The following TJP2 variants were observed in gnomAD, a reference collection of about 807,000 sequenced individuals.
TJP2 encodes tight junction protein 2.
TJP2 carries 91 observed loss-of-function variants against 133.1 expected under a neutral mutation model. That is an observed-to-expected ratio of 0.68 (90% confidence interval 0.58 to 0.81). The LOEUF is 0.81. Among genes scored for constraint, TJP2 ranks in the 40% least tolerant of loss-of-function variants. The probability of loss-of-function intolerance (pLI) is 0.00; values close to 1 mark genes in which losing one functional copy is unlikely to be tolerated. For missense variants in TJP2, 1,541 were observed against 1,565.6 expected (o/e 0.98, Z 0.26); for synonymous variants, 592 against 583.4 (o/e 1.01, Z -0.21).
Position 69,228,062 on chromosome 9 carries a change from C to T in TJP2, c.1401C>T (p.Gly467=). 1 of 1,613,836 alleles carries T rather than the reference C, an allele frequency of 6.2e-7. No homozygotes were observed. The highest frequency in any genetic ancestry group is 1.1e-5 in the South Asian group (1 of 90,976). The change falls in exon 9 of 23, where the codon GGC becomes GGT. Residue 467 remains glycine (G), a synonymous_variant. Transcript: ENST00000377245. ...TTAAGTCCACAGGGGATATTGCAGG[C>T]ACAGTTGTCCCAGAGACCAACAAGG... ...TPFKSTGDIA[G]TVVPETNKEP...
At chr9:69,239,105 C>T (rs1830407138) in intron 16 of TJP2, among the ~76,000 whole-genome samples, 1 of 152,198 alleles carries the variant, frequency 6.6e-6, no homozygotes, top group African/African-American at 2.4e-5. Flanking sequence ...AGGAGAATCG[C>T]TTGAACTCAG....
intron 1 of TJP2, among the ~76,000 whole-genome samples, chr9:69,139,779 T>C (rs1822931259): frequency 1.3e-5 from 2 of 152,200 alleles, no homozygotes; most frequent in South Asian, 4.1e-4. Context: ...CATAGCCAGG[T>C]CCTTGTCTCG....
At chr9:69,191,123 C>A (rs907455637) in intron 1 of TJP2, among the ~76,000 whole-genome samples, 1 of 124,696 alleles carries the variant, frequency 8.0e-6, no homozygotes, top group African/African-American at 2.7e-5. Flanking sequence ...AGGGTTGGAT[C>A]TGAGCACTGA....
Position 69,174,365 on chromosome 9 carries a change from T to C in TJP2, c.-8T>C, listed in dbSNP as rs374829462. 2 of 1,551,568 alleles carry C rather than the reference T, an allele frequency of 1.3e-6. No homozygotes were observed. The highest frequency in any genetic ancestry group is 1.4e-5 in the African/African-American group (1 of 73,098). The stretch of plus-strand genomic sequence containing the variant: ...GAGCTGCGCGCCTACGCGGGACCTG[T>C]GTCCGAAATGCCGGTGCGAGGAGAC... On this transcript the variant is annotated 5_prime_UTR_variant, in exon 1 of 23. Coordinates refer to ENST00000377245, the MANE Select transcript of TJP2 (RefSeq NM_004817.4).
chr9:69,200,075 A>C (rs1826875172), intron 1 of TJP2, among the ~76,000 whole-genome samples: 1 of 152,188 alleles, frequency 6.6e-6, no homozygotes, highest in South Asian at 2.1e-4. Context: ...CCCAAGCCAT[A>C]GATTAAGCTG....
Position 69,179,745 on chromosome 9 carries a change from C to T in TJP2, c.60+5313C>T, listed in dbSNP as rs189060887. On this transcript the variant is annotated intron_variant, in intron 1 of 22. Coordinates refer to ENST00000377245, the MANE Select transcript of TJP2 (RefSeq NM_004817.4). ...TGATCTCCTGACCTCGTGATCCACC[C>T]GCCTCGGCCTCCCAAAGTGCTGGGA... Among the ~76,000 whole-genome samples the T allele has an allele frequency of 8.8e-4, 134 of 152,216 alleles. 2 individuals carry two copies. In the East Asian group the frequency reaches 0.017, roughly 20 times the overall value.
chr9:69,127,435 G>A lies in TJP2; in HGVS notation c.-131+5710G>A, dbSNP rs1179226790. On this transcript the variant is annotated intron_variant, in intron 1 of 5. Transcript: ENST00000423935. ...CTGGGCATGGTAGTTTATGCCTATA[G>A]TCCCAGCTACTCAGGAGGCTGAGTT... 6.6e-5 allele frequency among the ~76,000 whole-genome samples: 5 copies of A among 75,710 alleles called. 2 individuals are homozygous for A. Among genetic ancestry groups the A allele is most frequent in the African/African-American group, 2.0e-4 (5 of 24,666 alleles). The allele number at this position is 75,710 out of a possible 152,430, so 49.7% of individuals were successfully genotyped here. A position where few individuals can be genotyped will look rare whatever the true frequency, so the allele number is the denominator to read the frequency against.
Position 69,142,161 on chromosome 9 carries a change from G to A in TJP2, c.-130-9490G>A, listed in dbSNP as rs150859922. On this transcript the variant is annotated intron_variant, in intron 1 of 5. Transcript: ENST00000423935. ...AAAGGCAAGGGGCACTGTAGCTGGC[G>A]CTGGGCACATGGGTTATTTCCAATA... Among the ~76,000 whole-genome samples the A allele has an allele frequency of 3.0e-3, 454 of 152,332 alleles. 2 individuals carry two copies. The highest frequency in any genetic ancestry group is 0.01 in the African/African-American group (430 of 41,558).
intron 1 of TJP2, among the ~76,000 whole-genome samples, chr9:69,134,260 CA>C (rs1208147689): frequency 6.6e-6 from 1 of 152,180 alleles, no homozygotes; most frequent in Non-Finnish European, 1.5e-5. Flanking sequence ...ACAACGTCAG[CA>C]AAATAGGTCT....
At position 69,236,171 on chromosome 9, in the gene TJP2, C is replaced by T. The variant is rs893707627; in HGVS notation, c.1924C>T (p.Leu642=). ...GGTAGACACACTGTATGACGGCAAG[C>T]TGGGCAACTGGCTGGCTGTGAGGAT... ...RVVDTLYDGK[L]GNWLAVRIGN... is the part of the protein sequence containing the mutation. Residue 642 remains leucine, a synonymous_variant, in exon 13 of 23, where the codon CTG becomes TTG. Coordinates refer to ENST00000377245, the MANE Select transcript of TJP2 (RefSeq NM_004817.4). 3 of 1,614,052 alleles carry T rather than the reference C, an allele frequency of 1.9e-6. No individual in the cohort carries two copies. Among genetic ancestry groups the T allele is most frequent in the Non-Finnish European group, 2.5e-6 (3 of 1,180,042 alleles).
rs1828803032 is a variant in TJP2 at position 69,221,153 on chromosome 9, G to GGGCCTGGACCAA, written c.611_622dup (p.Gly204_Gln207dup). ...GGAGCCGTGGCCGGAGCCTGGAGCG[G>GGGCCTGGACCAA]GGCCTGGACCAAGACCATGCGCGCA... On this transcript the variant is annotated inframe_insertion, in exon 5 of 23. Transcript: ENST00000377245. 6.3e-7 allele frequency: 1 copy of GGGCCTGGACCAA among 1,595,474 alleles called. No homozygotes were observed. The highest frequency in any genetic ancestry group is 1.1e-5 in the South Asian group (1 of 88,860).
intron 2 of TJP2, among the ~76,000 whole-genome samples, chr9:69,214,023 G>A (rs148875333): frequency 2.7e-4 from 41 of 152,126 alleles, no homozygotes; most frequent in African/African-American, 8.4e-4. Flanking sequence ...TTATATAATC[G>A]AACCCAGATT....
In TJP2 at chr9:69,228,064, C is replaced by T; in HGVS notation, c.1403C>T (p.Thr468Ile). 6.2e-7 allele frequency: 1 copy of T among 1,613,772 alleles called. No individual in the cohort carries two copies. Among genetic ancestry groups the T allele is most frequent in the Middle Eastern group, 1.6e-4 (1 of 6,062 alleles). Residue 468 changes from threonine to isoleucine, a missense_variant, in exon 9 of 23, where the codon ACA becomes ATA. Thr to Ile is a moderately conservative substitution (Grantham distance 89, BLOSUM62 -1). Transcript: ENST00000377245. ...PFKSTGDIAG[T>I]VVPETNKEPR... ...AAGTCCACAGGGGATATTGCAGGCA[C>T]AGTTGTCCCAGAGACCAACAAGGAA...
At chr9:69,207,590 C>T (rs1486377115) in intron 1 of TJP2, among the ~76,000 whole-genome samples, 1 of 152,110 alleles carries the variant, frequency 6.6e-6, no homozygotes, top group Non-Finnish European at 1.5e-5. Context: ...ATCACTGGGT[C>T]GTGGAATGTG....
At chr9:69,196,944 TGTACAC>T (rs1200381885) in intron 1 of TJP2, among the ~76,000 whole-genome samples, 673 of 38,186 alleles carry the variant, frequency 0.018, 5 homozygotes, top group African/African-American at 0.044. Flanking sequence ...TGTGTGTGTG[TGTACAC>T]ACACACACAC....
At chr9:69,223,455 C>T (rs182273009) in intron 5 of TJP2, among the ~76,000 whole-genome samples, 318 of 152,248 alleles carry the variant, frequency 2.1e-3, no homozygotes, top group African/African-American at 7.1e-3. Context: ...CTGTAGGCGC[C>T]CGCCACCACA....
intron 1 of TJP2, among the ~76,000 whole-genome samples, chr9:69,175,290 T>G (rs1441272614): frequency 6.6e-6 from 1 of 152,186 alleles, no homozygotes; most frequent in Non-Finnish European, 1.5e-5. Context: ...CATCCCATGA[T>G]AGAAACTGCC....
chr9:69,182,748 T>TAC (rs1451602356), intron 1 of TJP2, among the ~76,000 whole-genome samples: 2 of 151,602 alleles, frequency 1.3e-5, no homozygotes, highest in Non-Finnish European at 2.9e-5. Flanking sequence ...TATATACATA[T>TAC]ACACACACAC....
At chr9:69,240,188 GAAAT>G (rs1466853705) in intron 17 of TJP2, 41 bp downstream of exon 17, 40 of 1,546,360 alleles carry the variant, frequency 2.6e-5, no homozygotes, top group Non-Finnish European at 2.9e-5. Context: ...TAAAAAATGA[GAAAT>G]AAAGAATTGA....
Sources: allele counts gnomAD v4.1 joint callset (sites outside exome capture counted in the v4.1 genomes callset), GRCh38; gene constraint gnomAD v4.1.1; transcripts MANE v1.5; gene names NCBI Gene and HGNC (gene_info 2026-07-23, HGNC 2026-07-21).